The following STAG2 variants were observed in gnomAD, a reference collection of about 807,000 sequenced individuals.
STAG2 encodes the protein STAG2 cohesin complex component, also known as cohesin subunit SA-2.
In STAG2, 14 loss-of-function variants were observed where a neutral mutation model predicts 108.1. The ratio of observed to expected loss-of-function variants is 0.13; its 90% CI spans 0.09 to 0.20. The LOEUF is 0.20. STAG2 is among the 10% of genes least tolerant of loss of function. STAG2 has a pLI of 1.00. For synonymous variants in STAG2, 307 were observed against 302.7 expected (o/e 1.01, Z -0.15); for missense variants, 440 against 940.9 (o/e 0.47, Z 6.96).
chrX:124,088,455 A>G (rs1333339838), intron 30 of STAG2, among the ~76,000 whole-genome samples: 1 of 111,106 alleles, frequency 9.0e-6, no homozygotes, highest in African/African-American at 3.3e-5. Context: ...TTTTGAAGAC[A>G]GTATTGGAGC....
intron 6 of STAG2, among the ~76,000 whole-genome samples, chrX:124,037,854 T>A (rs1186095471): frequency 8.9e-6 from 1 of 112,624 alleles, no homozygotes; most frequent in Non-Finnish European, 1.9e-5. Context: ...AGTTTATAAT[T>A]ATTATGTTAC....
intron 1 of STAG2, among the ~76,000 whole-genome samples, chrX:124,014,993 T>C (rs1416457231): frequency 4.8e-5 from 4 of 82,610 alleles, no homozygotes; most frequent in Non-Finnish European, 9.5e-5. Flanking sequence ...TTTTTTTTTT[T>C]TTTTTTTTTT....
intron 15 of STAG2, among the ~76,000 whole-genome samples, chrX:124,059,554 G>A (rs1348897771): frequency 1.8e-5 from 2 of 112,153 alleles, no homozygotes; most frequent in African/African-American, 3.2e-5. Flanking sequence ...TTAATGTGTC[G>A]AGTTATGTTG....
chrX:123,974,675 T>G (rs1056189770), intron 1 of STAG2, among the ~76,000 whole-genome samples: 1 of 106,309 alleles, frequency 9.4e-6, no homozygotes, highest in Non-Finnish European at 1.9e-5. Context: ...GCCTCCTGGG[T>G]TCAGGCGATT....
chrX:124,049,146 G>T, intron 10 of STAG2, 68 bp downstream of exon 10: 2 of 843,482 alleles, frequency 2.4e-6, no homozygotes, highest in Non-Finnish European at 3.4e-6. Flanking sequence ...TGCATATTTC[G>T]TGGTGTAGGG....
chrX:123,978,596 T>C (rs1197492010), intron 1 of STAG2, among the ~76,000 whole-genome samples: 3 of 111,443 alleles, frequency 2.7e-5, no homozygotes, highest in African/African-American at 9.8e-5. Flanking sequence ...ATCCTCAAGA[T>C]TCCCCAGCTG....
chrX:123,981,286 A>T (rs1254946474), intron 1 of STAG2, among the ~76,000 whole-genome samples: 2 of 110,260 alleles, frequency 1.8e-5, no homozygotes, highest in African/African-American at 6.6e-5. Context: ...TACCCATTAA[A>T]CAATAGGGCC....
chrX:124,061,916 C>A, intron 17 of STAG2, 42 bp downstream of exon 17: 1 of 978,788 alleles, frequency 1.0e-6, no homozygotes, highest in Non-Finnish European at 1.4e-6. Context: ...AACTCCATTT[C>A]TCCTTTTTCA....
At chrX:124,090,336 C>G (rs953681706) in intron 30 of STAG2, among the ~76,000 whole-genome samples, 1 of 109,249 alleles carries the variant, frequency 9.2e-6, no homozygotes, top group African/African-American at 3.3e-5. Context: ...GCCCCCATTC[C>G]CCTTATACTT....
At chrX:124,063,247 T>C in intron 19 of STAG2, 42 bp downstream of exon 19, 1 of 971,713 alleles carries the variant, frequency 1.0e-6, no homozygotes, top group Non-Finnish European at 1.4e-6. Context: ...AGAAAAATTA[T>C]TCAGTTCATT....
At chrX:124,090,186 A>AAAAAAT (rs1569521239) in intron 30 of STAG2, among the ~76,000 whole-genome samples, 2 of 100,061 alleles carry the variant, frequency 2.0e-5, no homozygotes, top group Non-Finnish European at 2.0e-5. Flanking sequence ...AAAAAAAAAA[A>AAAAAAT]GGTTTAGTCC....
Position 124,008,497 on chromosome X carries a change from G to A in STAG2, c.-162-12870G>A, listed in dbSNP as rs745511466. Among the ~76,000 whole-genome samples, 7 of 111,090 alleles carry A rather than the reference G, an allele frequency of 6.3e-5. No homozygotes were observed. In the South Asian group the frequency reaches 2.7e-3, roughly 43 times the overall value. ...CAAAGTGCTGGGATTACAGGCGTGA[G>A]CCACCGTGCCCAGCCCTATTATTAA... On this transcript the variant is annotated intron_variant, in intron 1 of 34. Coordinates refer to ENST00000371145, the MANE Select transcript of STAG2 (RefSeq NM_001042750.2).
chrX:124,067,198 TTA>T (rs757041379), intron 23 of STAG2, among the ~76,000 whole-genome samples: 4 of 111,411 alleles, frequency 3.6e-5, no homozygotes, highest in Non-Finnish European at 7.5e-5. Context: ...TAAGATGTTG[TTA>T]TATCTACAAA....
chrX:124,027,627 A>G (rs974181600), intron 4 of STAG2, among the ~76,000 whole-genome samples: 3 of 111,851 alleles, frequency 2.7e-5, no homozygotes, highest in Non-Finnish European at 5.6e-5. Flanking sequence ...TTACAATAAT[A>G]GCAACTGCAT....
intron 1 of STAG2, among the ~76,000 whole-genome samples, chrX:123,967,256 AT>A (rs1177101640): frequency 0.015 from 754 of 50,181 alleles, 4 homozygotes; most frequent in African/African-American, 0.049. Flanking sequence ...TCAATGGTGT[AT>A]TTTTTTTTTT....
intron 1 of STAG2, among the ~76,000 whole-genome samples, chrX:124,006,719 G>C (rs914356133): frequency 9.0e-6 from 1 of 111,371 alleles, no homozygotes; most frequent in Non-Finnish European, 1.9e-5. Flanking sequence ...GATTACAGGC[G>C]TGAGCCACCG....
At chrX:123,967,905 CT>C (rs35898868) in intron 1 of STAG2, among the ~76,000 whole-genome samples, 287 of 101,030 alleles carry the variant, frequency 2.8e-3, no homozygotes, top group Admixed American at 3.1e-3. Flanking sequence ...GGACCACTGT[CT>C]TTTTTTTTTT....
chrX:124,049,362 C>T (rs2057970299), intron 10 of STAG2, among the ~76,000 whole-genome samples: 1 of 111,636 alleles, frequency 9.0e-6, no homozygotes, highest in African/African-American at 3.3e-5. Flanking sequence ...CCTTTGGATG[C>T]ACTATGTTAG....
intron 1 of STAG2, among the ~76,000 whole-genome samples, chrX:123,978,255 C>T (rs1423098533): frequency 9.4e-6 from 1 of 106,944 alleles, no homozygotes. Context: ...CACAGATCAT[C>T]CCATCACCTA....
Sources: gnomAD v4.1 joint callset for allele counts (sites outside exome capture counted in the v4.1 genomes callset) on GRCh38, gnomAD v4.1.1 for gene constraint, MANE v1.5 for transcripts, NCBI Gene and HGNC (gene_info 2026-07-23, HGNC 2026-07-21) for gene names.